SEMA7A: variants seen among roughly 807,000 people sequenced by gnomAD.
SEMA7A encodes semaphorin-7A.
Under a neutral mutation model 67.5 loss-of-function variants are expected in SEMA7A, and 21 were observed. That is an observed-to-expected ratio of 0.31 (90% CI 0.22 to 0.45). The LOEUF (loss-of-function observed/expected upper bound fraction) is 0.45, where lower values mean the gene tolerates loss of function less well. Among genes scored for constraint, SEMA7A ranks in the 20% least tolerant of loss-of-function variants. The pLI is 1.00. For synonymous variants in SEMA7A, 364 were observed against 368.5 expected (o/e 0.99, Z 0.14); for missense variants, 774 against 908.6 (o/e 0.85, Z 1.90).
At position 74,411,761 on chromosome 15, in the gene SEMA7A, T is replaced by A; in HGVS notation, c.1423-51A>T. ...GGCCCGGGCCCCACCCCACACTCAG[T>A]CCTAAATGTCCAGGCCCTAAGGCCT... On this transcript the variant is annotated intron_variant, in intron 11 of 13. Transcript: ENST00000261918. This position sits in a 1 kb window ranked among gnomAD's most constrained non-coding sequence, Gnocchi z 4.4. 1 of 1,605,916 alleles carries A rather than the reference T, an allele frequency of 6.2e-7. No individual in the cohort carries two copies. The highest frequency in any genetic ancestry group is 8.5e-7 in the Non-Finnish European group (1 of 1,178,028).
Position 74,410,704 on chromosome 15 carries a change from G to C in SEMA7A, c.1921C>G (p.Leu641Val). Reference sequence around the variant, plus strand: ...GCGGCCAGGGCACAGGCATGACCCAGCAGGTGCTCGGCCATGATGCCGTCC... The same window carrying C: ...GCGGCCAGGGCACAGGCATGACCCACCAGGTGCTCGGCCATGATGCCGTCC... The part of the protein sequence containing the change: ...PEDGIMAEHL[L>V]GHACALAASL... The change falls in exon 14 of 14, where the codon CTG becomes GTG. Residue 641 changes from leucine to valine, a missense_variant. Coordinates refer to ENST00000261918, the MANE Select transcript of SEMA7A (RefSeq NM_003612.5). The surrounding 1 kb of genome is among the most constrained non-coding windows in gnomAD (Gnocchi z 7.5). 2 of 1,613,688 alleles carry C rather than the reference G, an allele frequency of 1.2e-6. No individual in the cohort carries two copies. Among genetic ancestry groups the C allele is most frequent in the Non-Finnish European group, 1.7e-6 (2 of 1,179,900 alleles).
At chr15:74,431,119 C>T (rs2061085011) in intron 1 of SEMA7A, among the ~76,000 whole-genome samples, 1 of 152,212 alleles carries the variant, frequency 6.6e-6, no homozygotes. Context: ...CCAGCCCTCA[C>T]CTGCAATCTA....
intron 1 of SEMA7A, 121 bp downstream of exon 1, chr15:74,433,620 G>GCGGGGACAGCC (rs1488386401): frequency 7.8e-7 from 1 of 1,280,138 alleles, no homozygotes; most frequent in Non-Finnish European, 9.8e-7. Context: ...CGGGGACAGC[G>GCGGGGACAGCC]CGGGGACAGC....
Position 74,411,923 on chromosome 15 carries a change from C to T in SEMA7A, c.1384G>A (p.Ala462Thr), listed in dbSNP as rs372805316. Residue 462 changes from alanine (A) to threonine (T), a missense_variant, in exon 11 of 14, where the codon GCG (alanine) becomes ACG (threonine). Transcript: ENST00000261918. This position sits in a 1 kb window ranked among gnomAD's most constrained non-coding sequence, Gnocchi z 4.4. ...AGCGACATGGTCTGGATGGCAGCCG[C>T]GCGGCGGAAGGGCTGGATCTCCATG... ...NIMEIQPFRR[A>T]AAIQTMSLDA... 33 of 1,613,930 alleles carry T rather than the reference C, an allele frequency of 2.0e-5. No homozygotes were observed. The highest frequency in any genetic ancestry group is 2.7e-5 in the Non-Finnish European group (32 of 1,180,054).
intron 4 of SEMA7A, 91 bp downstream of exon 4, chr15:74,417,786 G>T: frequency 6.5e-7 from 1 of 1,547,618 alleles, no homozygotes; most frequent in Non-Finnish European, 8.9e-7. Flanking sequence ...GGCCAGCATT[G>T]GAGTCTCGCC....
rs570432278 is a variant in SEMA7A at position 74,417,103 on chromosome 15, G to A, written c.661+232C>T. ...CCTGGGGACCCTGCACTGGGTCTGGGGCTCCCTCTGTTTGTGTTCCTGAAG... is the reference window on the plus strand; with the variant it reads ...CCTGGGGACCCTGCACTGGGTCTGGAGCTCCCTCTGTTTGTGTTCCTGAAG... On this transcript the variant is annotated intron_variant, in intron 6 of 13. Transcript: ENST00000261918. 1.9e-4 allele frequency among the ~76,000 whole-genome samples: 29 copies of A among 152,226 alleles called. No individual in the cohort carries two copies. In the South Asian group the frequency reaches 5.4e-3, roughly 28 times the overall value.
Position 74,414,675 on chromosome 15 carries a change from T to C in SEMA7A, c.1166A>G (p.Gln389Arg). 6.2e-7 allele frequency: 1 copy of C among 1,614,118 alleles called. No individual in the cohort carries two copies. Among genetic ancestry groups the C allele is most frequent in the Non-Finnish European group, 8.5e-7 (1 of 1,180,008 alleles). ...CAGAGGCCCCATGGGCTCCACCCTCTGCGCCACCTCTGGGTGACGGTCAGC... is the reference window on the plus strand; with the variant it reads ...CAGAGGCCCCATGGGCTCCACCCTCCGCGCCACCTCTGGGTGACGGTCAGC... The part of the protein sequence containing the change: ...QVADRHPEVA[Q>R]RVEPMGPLKT... Residue 389 changes from glutamine to arginine, a missense_variant, in exon 10 of 14, where the codon CAG becomes CGG. By Grantham distance (43) the Gln-to-Arg change is conservative. This residue lies in a region of SEMA7A where 427 missense variants were observed against 555.4 expected (regional missense o/e 0.77). Transcript: ENST00000261918. The surrounding 1 kb of genome is among the most constrained non-coding windows in gnomAD (Gnocchi z 4.1).
Position 74,433,949 on chromosome 15 carries a change from A to T in SEMA7A, c.-31T>A, listed in dbSNP as rs551578258. On this transcript the variant is annotated 5_prime_UTR_variant, in exon 1 of 14. Transcript: ENST00000261918. ...GGCCCCGGGAGCGACAGCGGCAATC[A>T]GCCGAGACTGAGCCAGCGCCCGGCC... 1.5e-3 allele frequency: 1,800 copies of T among 1,237,378 alleles called. 4 individuals carry two copies. The highest frequency in any genetic ancestry group is 1.7e-3 in the Non-Finnish European group (1,725 of 992,104). 76.6% of individuals were successfully genotyped at this position (1,237,378 alleles called of 1,614,324 possible). A position where few individuals can be genotyped will look rare whatever the true frequency, so the allele number is the denominator to read the frequency against.
chr15:74,411,682 TC>T lies in SEMA7A; in HGVS notation c.1450del (p.Glu484ArgfsTer2). The T allele has an allele frequency of 6.2e-7, 1 of 1,613,390 alleles. No individual in the cohort carries two copies. The highest frequency in any genetic ancestry group is 1.1e-5 in the South Asian group (1 of 91,062). ...RRKLYVSSQW[E>X]VSQVPLDLCE... ...CAGGTCCAGGGGCACCTGGCTCACC[TC>T]CCACTGGGAGCTCACATACAGCTTC... On this transcript the variant is annotated frameshift_variant, in exon 12 of 14. Transcript: ENST00000261918. LOFTEE classifies it high-confidence loss of function. This position sits in a 1 kb window ranked among gnomAD's most constrained non-coding sequence, Gnocchi z 4.4.
At position 74,423,602 on chromosome 15, in the gene SEMA7A, T is replaced by C. The variant is rs1044405478; in HGVS notation, c.179-4650A>G. 4.7e-4 allele frequency among the ~76,000 whole-genome samples: 71 copies of C among 152,154 alleles called. No individual in the cohort carries two copies. Among genetic ancestry groups the C allele is most frequent in the African/African-American group, 1.6e-3 (66 of 41,428 alleles). On this transcript the variant is annotated intron_variant, in intron 1 of 13. Coordinates refer to ENST00000261918, the MANE Select transcript of SEMA7A (RefSeq NM_003612.5). This position sits in a 1 kb window ranked among gnomAD's most constrained non-coding sequence, Gnocchi z 4.1. ...CTCTACCCTTCCCTCTCTTGCTCAC[T>C]AGGTGCCGAGTCACTAACCTGATAA...
chr15:74,412,110 G>T lies in SEMA7A; in HGVS notation c.1295-98C>A, dbSNP rs997617279. The T allele has an allele frequency of 6.1e-6, 9 of 1,468,978 alleles. No homozygotes were observed. The African/African-American group carries it at 1.2e-4, about 20-fold the overall frequency. The allele number at this position is 1,468,978 out of a possible 1,614,324, so 91.0% of individuals were successfully genotyped here. On this transcript the variant is annotated intron_variant, in intron 10 of 13. Transcript: ENST00000261918. ...GGAGGGGTGGGAAGTCACAACTCAG[G>T]CAAGGGTCACAGGACTGGTGTGGGC...
rs1258827998 is a variant in SEMA7A at position 74,409,952 on chromosome 15, C to CG, written c.*671dup. 3 of 147,248 alleles carry CG rather than the reference C, an allele frequency of 2.0e-5. No homozygotes were observed. The highest frequency in any genetic ancestry group is 5.0e-5 in the African/African-American group (2 of 40,332). The allele number at this position is 147,248 out of a possible 1,614,324, so 9.1% of individuals were successfully genotyped here. ...CCCCTCCCTTTCCCACCCACCCCCC[C>CG]GCATGTAGTTTTGGTATTTTCATAC... is the stretch of plus-strand genomic sequence containing the variant. On this transcript the variant is annotated 3_prime_UTR_variant, in exon 14 of 14. Transcript: ENST00000261918.
Position 74,410,705 on chromosome 15 carries a change from C to G in SEMA7A, c.1920G>C (p.Leu640=). 1 of 1,613,692 alleles carries G rather than the reference C, an allele frequency of 6.2e-7. No individual in the cohort carries two copies. The highest frequency in any genetic ancestry group is 8.5e-7 in the Non-Finnish European group (1 of 1,179,888). ...CGGCCAGGGCACAGGCATGACCCAGCAGGTGCTCGGCCATGATGCCGTCCT... is the reference window on the plus strand; with the variant it reads ...CGGCCAGGGCACAGGCATGACCCAGGAGGTGCTCGGCCATGATGCCGTCCT... ...LPEDGIMAEH[L]LGHACALAAS... Residue 640 remains leucine, a synonymous_variant, in exon 14 of 14, where the codon CTG becomes CTC. Transcript: ENST00000261918. The surrounding 1 kb of genome is among the most constrained non-coding windows in gnomAD (Gnocchi z 7.5).
intron 1 of SEMA7A, among the ~76,000 whole-genome samples, chr15:74,421,215 C>T (rs1263026805): frequency 6.6e-6 from 1 of 152,150 alleles, no homozygotes; most frequent in Non-Finnish European, 1.5e-5. Context: ...TGGCCCTACC[C>T]TGGGAATACA....
At chr15:74,433,472 G>T in intron 1 of SEMA7A, 2 of 956,934 alleles carry the variant, frequency 2.1e-6, no homozygotes, top group Non-Finnish European at 2.6e-6. Context: ...CGGGCGTTGC[G>T]GCTCCTGGCT....
chr15:74,416,754 C>A, intron 6 of SEMA7A, 40 bp from the exon 7 acceptor site: 1 of 1,603,920 alleles, frequency 6.2e-7, no homozygotes, highest in South Asian at 1.1e-5. Context: ...GGCTGGGAAG[C>A]TTGCCCGGGA....
chr15:74,417,771 G>C (rs2060964437), intron 4 of SEMA7A, 96 bp from the exon 5 acceptor site: 5 of 1,546,344 alleles, frequency 3.2e-6, no homozygotes, highest in Non-Finnish European at 4.4e-6. Context: ...ATCCTCCCAG[G>C]GCAAGGCCAG....
chr15:74,411,504 C>G lies in SEMA7A; in HGVS notation c.1577+52G>C. 1 of 1,544,920 alleles carries G rather than the reference C, an allele frequency of 6.5e-7. No homozygotes were observed. Among genetic ancestry groups the G allele is most frequent in the Middle Eastern group, 1.8e-4 (1 of 5,484 alleles). On this transcript the variant is annotated intron_variant, in intron 12 of 13. Transcript: ENST00000261918. This position sits in a 1 kb window ranked among gnomAD's most constrained non-coding sequence, Gnocchi z 4.4. ...CCTCCTCCAGCCCGACAACACCTCC[C>G]CCTCTCCCATGCCCACCTTCTCCCA...
At position 74,423,248 on chromosome 15, in the gene SEMA7A, C is replaced by T. The variant is rs1203776427; in HGVS notation, c.179-4296G>A. Among the ~76,000 whole-genome samples, 5 of 152,234 alleles carry T rather than the reference C, an allele frequency of 3.3e-5. No homozygotes were observed. The highest frequency in any genetic ancestry group is 7.3e-5 in the Non-Finnish European group (5 of 68,042). On this transcript the variant is annotated intron_variant, in intron 1 of 13. Coordinates refer to ENST00000261918, the MANE Select transcript of SEMA7A (RefSeq NM_003612.5). The surrounding 1 kb of genome is among the most constrained non-coding windows in gnomAD (Gnocchi z 4.1). ...TGCACTGCCAGGCCTACCTCACACC[C>T]TCGCCCAACTACGTGTCTGGAAAAG...
Sources: allele counts gnomAD v4.1 joint callset (sites outside exome capture counted in the v4.1 genomes callset), GRCh38; gene constraint gnomAD v4.1.1; regional missense constraint gnomAD v4.1.1; non-coding constraint Gnocchi (gnomAD v3.1); transcripts MANE v1.5; gene names NCBI Gene and HGNC (gene_info 2026-07-23, HGNC 2026-07-21).